The following IL1RAPL1 variants were observed in gnomAD, a reference collection of about 807,000 sequenced individuals.
IL1RAPL1 encodes interleukin 1 receptor accessory protein like 1, also known as interleukin-1 receptor accessory protein-like 1.
Under a neutral mutation model 48.4 loss-of-function variants are expected in IL1RAPL1, and 3 were observed. The ratio of observed to expected loss-of-function variants is 0.06; its 90% CI spans 0.03 to 0.16. IL1RAPL1 has a LOEUF of 0.16. Ranked by LOEUF, IL1RAPL1 falls within the 10% of genes least tolerant of loss-of-function variation. The probability of loss-of-function intolerance (pLI) is 1.00; values close to 1 mark genes in which losing one functional copy is unlikely to be tolerated. For synonymous variants in IL1RAPL1, 185 were observed against 187.7 expected, an observed-to-expected ratio of 0.99 and a Z score of 0.12; for missense variants, 349 against 530.6, an observed-to-expected ratio of 0.66 and a Z score of 3.36.
In IL1RAPL1 at chrX:29,805,487, T is replaced by A. The variant is rs187856701; in HGVS notation, c.779-111977T>A. Among the ~76,000 whole-genome samples the A allele has an allele frequency of 5.5e-3, 613 of 110,938 alleles. 4 individuals are homozygous for A. Among genetic ancestry groups the A allele is most frequent in the African/African-American group, 0.018 (552 of 30,536 alleles). On this transcript the variant is annotated intron_variant, in intron 6 of 10. Coordinates refer to ENST00000378993, the MANE Select transcript of IL1RAPL1 (RefSeq NM_014271.4). Reference sequence around the variant, plus strand: ...CCACAGTGCAAGATGTTAAAAGCACTCCACTTGCTTTGGGCATATGCCAGG... The same window carrying A: ...CCACAGTGCAAGATGTTAAAAGCACACCACTTGCTTTGGGCATATGCCAGG...
intron 6 of IL1RAPL1, among the ~76,000 whole-genome samples, chrX:29,821,864 A>G (rs1323383211): frequency 8.9e-6 from 1 of 112,245 alleles, no homozygotes; most frequent in Non-Finnish European, 1.9e-5. Context: ...GAAAGATAAC[A>G]TGGCTCTGGA....
chrX:29,414,981 G>T (rs1397749988), intron 5 of IL1RAPL1, among the ~76,000 whole-genome samples: 1 of 111,749 alleles, frequency 8.9e-6, no homozygotes, highest in Non-Finnish European at 1.9e-5. Flanking sequence ...GATTGAAAAT[G>T]TACTCTAGGA....
chrX:29,917,464 G>A lies in IL1RAPL1; in HGVS notation c.779G>A (p.Gly260Asp), dbSNP rs1932808020. Residue 260 changes from glycine to aspartate, a missense_variant and splice_region_variant, in exon 7 of 11, where the codon GGT (glycine) becomes GAT (aspartate). By Grantham distance (94) the Gly-to-Asp change is moderately conservative. Transcript: ENST00000378993. ...ACTTTTCCATCACTTCTCTCTGCAG[G>A]TGACTCTGCTAATCTAACCTGCAGA... ...SKLTIQETQL[G>D]DSANLTCRAF... 3 of 1,209,180 alleles carry A rather than the reference G, an allele frequency of 2.5e-6. No homozygotes were observed. Among genetic ancestry groups the A allele is most frequent in the Non-Finnish European group, 3.4e-6 (3 of 893,372 alleles).
rs769619977 is a variant in IL1RAPL1 at position 29,212,561 on chromosome X, G to A, written c.83-70377G>A. Among the ~76,000 whole-genome samples, 10 of 111,340 alleles carry A rather than the reference G, an allele frequency of 9.0e-5. No homozygotes were observed. The South Asian group carries it at 3.1e-3, about 34-fold the overall frequency. On this transcript the variant is annotated intron_variant, in intron 2 of 10. Transcript: ENST00000378993. ...TGACCTCAGGTGATCCACCCACCTC[G>A]GCCTCCCAAAGTGCTGGGATTACAG...
chrX:28,947,731 T>C (rs1457125786), intron 2 of IL1RAPL1, among the ~76,000 whole-genome samples: 1 of 112,001 alleles, frequency 8.9e-6, no homozygotes, highest in African/African-American at 3.2e-5. Flanking sequence ...ACTTACTGTT[T>C]AGCATGTAAT....
At chrX:29,238,100 C>A (rs887975722) in intron 2 of IL1RAPL1, among the ~76,000 whole-genome samples, 4 of 111,082 alleles carry the variant, frequency 3.6e-5, no homozygotes. Flanking sequence ...GATTTGTCAG[C>A]AAGCTGTGTT....
At chrX:29,734,008 C>T (rs894529917) in intron 6 of IL1RAPL1, among the ~76,000 whole-genome samples, 3 of 112,659 alleles carry the variant, frequency 2.7e-5, no homozygotes, top group Admixed American at 9.4e-5. Context: ...TTTCTTTCTG[C>T]GCAAGTTGAA....
At chrX:29,020,386 ATACT>A (rs1339218729) in intron 2 of IL1RAPL1, among the ~76,000 whole-genome samples, 3 of 112,125 alleles carry the variant, frequency 2.7e-5, no homozygotes, top group African/African-American at 9.7e-5. Flanking sequence ...ACATATACAA[ATACT>A]TACCATTGTG....
chrX:28,776,531 A>G (rs977315172), intron 1 of IL1RAPL1, among the ~76,000 whole-genome samples: 7 of 112,094 alleles, frequency 6.2e-5, no homozygotes, highest in African/African-American at 1.9e-4. Context: ...TTGCAAGCCC[A>G]CAGTTTCCAG....
At chrX:29,700,505 T>C (rs1445509782) in intron 6 of IL1RAPL1, among the ~76,000 whole-genome samples, 4 of 111,959 alleles carry the variant, frequency 3.6e-5, no homozygotes, top group African/African-American at 1.3e-4. Flanking sequence ...ATGTGAAAAA[T>C]GAAGGTGTCA....
chrX:29,759,750 A>G (rs937823098), intron 6 of IL1RAPL1, among the ~76,000 whole-genome samples: 3 of 111,997 alleles, frequency 2.7e-5, no homozygotes, highest in Non-Finnish European at 3.8e-5. Context: ...AATATTTTCA[A>G]AAAGGGTTAT....
At chrX:29,280,406 G>A (rs908291369) in intron 2 of IL1RAPL1, among the ~76,000 whole-genome samples, 9 of 111,476 alleles carry the variant, frequency 8.1e-5, no homozygotes, top group Non-Finnish European at 1.1e-4. Flanking sequence ...TAATTGAAAT[G>A]AACTAAATCA....
At chrX:29,911,693 TAGG>T (rs1303598270) in intron 6 of IL1RAPL1, among the ~76,000 whole-genome samples, 1 of 111,872 alleles carries the variant, frequency 8.9e-6, no homozygotes, top group Non-Finnish European at 1.9e-5. Flanking sequence ...CATATTTTAG[TAGG>T]AGAATATTTT....
intron 6 of IL1RAPL1, among the ~76,000 whole-genome samples, chrX:29,791,231 A>G (rs755094495): frequency 1.8e-5 from 2 of 110,021 alleles, no homozygotes; most frequent in African/African-American, 3.3e-5. Flanking sequence ...CCCCAACCCC[A>G]TTACAAGTTT....
intron 6 of IL1RAPL1, among the ~76,000 whole-genome samples, chrX:29,751,151 G>T (rs1394663513): frequency 9.0e-6 from 1 of 110,756 alleles, no homozygotes; most frequent in African/African-American, 3.3e-5. Context: ...TGAATATGTG[G>T]ATTATATCAG....
At chrX:28,975,677 C>A (rs1273564521) in intron 2 of IL1RAPL1, among the ~76,000 whole-genome samples, 1 of 111,924 alleles carries the variant, frequency 8.9e-6, no homozygotes, top group Non-Finnish European at 1.9e-5. Context: ...AACAATCCTA[C>A]CCTCATGGAA....
chrX:28,762,786 G>T (rs868222697), intron 1 of IL1RAPL1, among the ~76,000 whole-genome samples: 1 of 63,001 alleles, frequency 1.6e-5, no homozygotes, highest in African/African-American at 6.3e-5. Context: ...GCACGCGCGC[G>T]CACACACACA....
At chrX:29,244,645 C>T (rs1006483379) in intron 2 of IL1RAPL1, among the ~76,000 whole-genome samples, 9 of 112,226 alleles carry the variant, frequency 8.0e-5, no homozygotes, top group East Asian at 2.8e-4. Context: ...GCATTTGATA[C>T]GCAATTGTAT....
chrX:29,620,906 A>G (rs890097679), intron 5 of IL1RAPL1, among the ~76,000 whole-genome samples: 3 of 112,272 alleles, frequency 2.7e-5, no homozygotes, highest in African/African-American at 6.5e-5. Context: ...GGTCATTGCT[A>G]TAAGTTAACA....
Sources: gnomAD v4.1 joint callset for allele counts (sites outside exome capture counted in the v4.1 genomes callset) on GRCh38, gnomAD v4.1.1 for gene constraint, MANE v1.5 for transcripts, NCBI Gene and HGNC (gene_info 2026-07-23, HGNC 2026-07-21) for gene names.